Variants in CNTNAP2 observed in about 807,000 individuals in gnomAD.
CNTNAP2 encodes the protein contactin-associated protein-like 2.
Under a neutral mutation model 155.2 loss-of-function variants are expected in CNTNAP2, and 98 were observed. The observed-to-expected ratio is 0.63, with a 90% CI of 0.54 to 0.75. The LOEUF (loss-of-function observed/expected upper bound fraction) is 0.75. Among genes scored for constraint, CNTNAP2 ranks in the 30% least tolerant of loss-of-function variants. The pLI is 0.00. For missense variants in CNTNAP2, 1,727 were observed against 1,688.1 expected, an observed-to-expected ratio of 1.02 and a Z score of -0.40; for synonymous variants, 651 against 631.2, an observed-to-expected ratio of 1.03 and a Z score of -0.47.
At chr7:146,163,017 G>A (rs1357050975) in intron 1 of CNTNAP2, among the ~76,000 whole-genome samples, 1 of 152,102 alleles carries the variant, frequency 6.6e-6, no homozygotes, top group African/African-American at 2.4e-5. Context: ...GGGGTTTGGG[G>A]GAGAGAGGAG....
At chr7:146,123,702 A>C (rs1797595354) in intron 1 of CNTNAP2, among the ~76,000 whole-genome samples, 1 of 152,212 alleles carries the variant, frequency 6.6e-6, no homozygotes, top group African/African-American at 2.4e-5. Flanking sequence ...TACATGAAAA[A>C]AATAATAGGC....
intron 2 of CNTNAP2, among the ~76,000 whole-genome samples, chr7:146,810,115 A>G (rs1289775836): frequency 6.6e-6 from 1 of 151,998 alleles, no homozygotes; most frequent in African/African-American, 2.4e-5. Flanking sequence ...CTTTTTCCTC[A>G]TTGTGTATTA....
chr7:147,977,934 C>A lies in CNTNAP2; in HGVS notation c.2328C>A (p.Asp776Glu), dbSNP rs1297441671. The A allele has an allele frequency of 3.1e-6, 5 of 1,614,112 alleles. No individual in the cohort carries two copies. Among genetic ancestry groups the A allele is most frequent in the Middle Eastern group, 1.7e-4 (1 of 6,052 alleles). The change falls in exon 15 of 24, where the codon GAC (aspartate) becomes GAA (glutamate). Residue 776 changes from aspartate to glutamate, a missense_variant. Transcript: ENST00000361727. ...GCCAAGTGGTGGTTGGAGATACTGA[C>A]CGTCAAGGCTCAGAAGCCAAATTGA... is the stretch of plus-strand genomic sequence containing the variant. Reference protein sequence around the residue: ...PVSQVVVGDTDRQGSEAKLSV... With the variant: ...PVSQVVVGDTERQGSEAKLSV...
intron 1 of CNTNAP2, among the ~76,000 whole-genome samples, chr7:146,715,336 AAAAC>A (rs922615857): frequency 4.6e-5 from 7 of 152,160 alleles, no homozygotes; most frequent in Non-Finnish European, 5.9e-5. Flanking sequence ...CCATCTCAAG[AAAAC>A]AAACAAACAA....
chr7:146,256,565 A>T (rs933663627), intron 1 of CNTNAP2, among the ~76,000 whole-genome samples: 24 of 152,004 alleles, frequency 1.6e-4, no homozygotes, highest in Admixed American at 2.6e-4. Flanking sequence ...ACATTTTAGA[A>T]TGATAATTCA....
intron 1 of CNTNAP2, among the ~76,000 whole-genome samples, chr7:146,735,504 G>A (rs1801598349): frequency 6.6e-6 from 1 of 151,976 alleles, no homozygotes. Context: ...GCAGTGAGCC[G>A]AGATAGCGCC....
intron 1 of CNTNAP2, among the ~76,000 whole-genome samples, chr7:146,698,551 T>C (rs1253573854): frequency 6.6e-6 from 1 of 152,176 alleles, no homozygotes; most frequent in Non-Finnish European, 1.5e-5. Flanking sequence ...GATTTTCTTC[T>C]TGTTTGATTT....
chr7:147,540,278 T>C (rs1372603531), intron 11 of CNTNAP2, among the ~76,000 whole-genome samples: 1 of 152,084 alleles, frequency 6.6e-6, no homozygotes, highest in Non-Finnish European at 1.5e-5. Context: ...CCTCCATCCT[T>C]TACACATCTC....
At chr7:147,347,549 G>C (rs1049198926) in intron 9 of CNTNAP2, among the ~76,000 whole-genome samples, 2 of 144,966 alleles carry the variant, frequency 1.4e-5, no homozygotes, top group Non-Finnish European at 3.0e-5. Context: ...GTATTCTTTT[G>C]CTTGGATCCA....
intron 13 of CNTNAP2, among the ~76,000 whole-genome samples, chr7:147,711,796 A>C (rs188016461): frequency 6.6e-6 from 1 of 152,332 alleles, no homozygotes; most frequent in Non-Finnish European, 1.5e-5. Flanking sequence ...GTTCTGCAAC[A>C]TAAATACTGT....
chr7:147,206,649 T>C (rs979310538), intron 8 of CNTNAP2, among the ~76,000 whole-genome samples: 5 of 152,146 alleles, frequency 3.3e-5, no homozygotes, highest in Non-Finnish European at 2.9e-5. Flanking sequence ...CTTTTATATA[T>C]TATAGTGTTA....
intron 13 of CNTNAP2, among the ~76,000 whole-genome samples, chr7:147,761,575 T>G (rs1454081228): frequency 1.3e-5 from 2 of 152,192 alleles, no homozygotes; most frequent in East Asian, 3.8e-4. Flanking sequence ...CCCAGTGCTG[T>G]AGAAGGCTCA....
At chr7:147,868,501 A>G (rs1461355550) in intron 13 of CNTNAP2, among the ~76,000 whole-genome samples, 1 of 152,222 alleles carries the variant, frequency 6.6e-6, no homozygotes, top group Non-Finnish European at 1.5e-5. Flanking sequence ...TGCTCTCTTC[A>G]GAGCTGTCAG....
At chr7:147,156,039 G>A (rs1428780356) in intron 8 of CNTNAP2, among the ~76,000 whole-genome samples, 2 of 152,118 alleles carry the variant, frequency 1.3e-5, no homozygotes, top group Admixed American at 1.3e-4. Flanking sequence ...AATGCAACAG[G>A]AACAAGTCCC....
At chr7:147,984,215 G>A (rs1355913443) in intron 15 of CNTNAP2, among the ~76,000 whole-genome samples, 7 of 152,166 alleles carry the variant, frequency 4.6e-5, no homozygotes, top group South Asian at 4.1e-4. Flanking sequence ...GTGGGTTTTA[G>A]CCGGCTTCTT....
intron 4 of CNTNAP2, among the ~76,000 whole-genome samples, chr7:147,102,488 C>G (rs1464840882): frequency 1.3e-5 from 2 of 152,050 alleles, no homozygotes; most frequent in Admixed American, 6.6e-5. Flanking sequence ...AAATCAGAGT[C>G]CTTTGATATT....
intron 1 of CNTNAP2, among the ~76,000 whole-genome samples, chr7:146,298,712 C>T (rs968897794): frequency 6.6e-6 from 1 of 152,184 alleles, no homozygotes; most frequent in Non-Finnish European, 1.5e-5. Flanking sequence ...AATGCATGTT[C>T]AACACTGGAG....
intron 8 of CNTNAP2, among the ~76,000 whole-genome samples, chr7:147,256,057 A>C (rs1804318162): frequency 6.6e-6 from 1 of 152,176 alleles, no homozygotes; most frequent in Admixed American, 6.6e-5. Context: ...TTAGTAAGGA[A>C]AATGATGGGT....
chr7:146,957,102 G>A (rs998710590), intron 3 of CNTNAP2, among the ~76,000 whole-genome samples: 3 of 151,992 alleles, frequency 2.0e-5, no homozygotes, highest in African/African-American at 7.2e-5. Context: ...ATATCACAGA[G>A]GGTACTTAAA....
Sources: allele counts gnomAD v4.1 joint callset (sites outside exome capture counted in the v4.1 genomes callset), GRCh38; gene constraint gnomAD v4.1.1; transcripts MANE v1.5; gene names NCBI Gene and HGNC (gene_info 2026-07-23, HGNC 2026-07-21).